Variants in CELF2 observed in about 807,000 individuals in gnomAD.
The protein encoded by CELF2 is CUG triplet repeat RNA-binding protein 2.
CELF2 carries 8 observed loss-of-function variants against 62.6 expected under a neutral mutation model. The observed-to-expected ratio is 0.13, with a 90% CI of 0.07 to 0.23. The LOEUF is 0.23. Among genes scored for constraint, CELF2 ranks in the 10% least tolerant of loss-of-function variants. The probability of loss-of-function intolerance (pLI) is 1.00; values close to 1 mark genes in which losing one functional copy is unlikely to be tolerated. For synonymous variants in CELF2, 258 were observed against 250.0 expected, an observed-to-expected ratio of 1.03 and a Z score of -0.30; for missense variants, 333 against 671.0, an observed-to-expected ratio of 0.50 and a Z score of 5.56.
At chr10:11,201,571 G>A (rs949274869) in intron 2 of CELF2, among the ~76,000 whole-genome samples, 23 of 152,184 alleles carry the variant, frequency 1.5e-4, no homozygotes, top group African/African-American at 5.3e-4. Flanking sequence ...CTTTAGTCAC[G>A]TGGCAAGGGG....
rs2096115825 is a variant in CELF2 at position 11,336,185 on chromosome 10, G to A, written c.*7132G>A. 1 of 152,678 alleles carries A rather than the reference G, an allele frequency of 6.5e-6. No homozygotes were observed. The highest frequency in any genetic ancestry group is 1.5e-5 in the Non-Finnish European group (1 of 68,044). The allele number at this position is 152,678 out of a possible 1,614,324, so 9.5% of individuals were successfully genotyped here. A position where few individuals can be genotyped will look rare whatever the true frequency, so the allele number is the denominator to read the frequency against. ...GCTAGGACACACAGTGAACATTAAT[G>A]TACTGTGAATCGTTCCTGATAAGTG... On this transcript the variant is annotated 3_prime_UTR_variant, in exon 13 of 13. Transcript: ENST00000633077. The surrounding 1 kb of genome is among the most constrained non-coding windows in gnomAD (Gnocchi z 5.4).
At chr10:10,726,747 A>T in the CELF2 span, among the ~76,000 whole-genome samples, 1 of 152,204 alleles carries the variant, frequency 6.6e-6, no homozygotes, top group Non-Finnish European at 1.5e-5. Flanking sequence ...TTAATCCTTT[A>T]GTATTAAGAA....
chr10:11,169,304 G>A (rs1407897006), intron 2 of CELF2: 1 of 152,246 alleles, frequency 6.6e-6, no homozygotes, highest in African/African-American at 2.4e-5. Flanking sequence ...AAGAGTAAAT[G>A]AGTAAGAAAG....
At chr10:10,555,728 G>GCA in the CELF2 span, among the ~76,000 whole-genome samples, 2 of 151,862 alleles carry the variant, frequency 1.3e-5, no homozygotes, top group South Asian at 4.2e-4. Flanking sequence ...TACAACACAT[G>GCA]CACACACACA....
chr10:11,298,207 G>A lies in CELF2; in HGVS notation c.976+9655G>A, dbSNP rs146648081. ...AGCCTCCAGCGTGTCCCTCTCCTGT[G>A]GCGAGGGGGATGCTGCCTTCTGAGG... is the stretch of plus-strand genomic sequence containing the variant. On this transcript the variant is annotated intron_variant, in intron 9 of 12. Coordinates refer to ENST00000633077, the MANE Select transcript of CELF2 (RefSeq NM_001326342.2). Among the ~76,000 whole-genome samples, 255 of 152,348 alleles carry A rather than the reference G, an allele frequency of 1.7e-3. 2 individuals are homozygous for A. Among genetic ancestry groups the A allele is most frequent in the African/African-American group, 5.8e-3 (242 of 41,578 alleles).
chr10:10,964,554 A>G (rs1432597239), intron 2 of CELF2, among the ~76,000 whole-genome samples: 1 of 152,244 alleles, frequency 6.6e-6, no homozygotes, highest in Non-Finnish European at 1.5e-5. Context: ...TCCACCTTTC[A>G]AAGGGATTTT....
At position 11,296,025 on chromosome 10, in the gene CELF2, G is replaced by A. The variant is rs4317891; in HGVS notation, c.976+7473G>A. The stretch of plus-strand genomic sequence containing the variant: ...TTAATAAAGCTGCGCAGCTTTGGGG[G>A]TAGAGATATTTACGGTTCACCACAG... On this transcript the variant is annotated intron_variant, in intron 9 of 12. Coordinates refer to ENST00000633077, the MANE Select transcript of CELF2 (RefSeq NM_001326342.2). The surrounding 1 kb of genome is among the most constrained non-coding windows in gnomAD (Gnocchi z 5.0). 0.15 allele frequency among the ~76,000 whole-genome samples: 23,206 copies of A among 152,046 alleles called. 1,882 individuals carry two copies. Among genetic ancestry groups the A allele is most frequent in the Middle Eastern group, 0.21 (62 of 294 alleles).
At chr10:10,725,867 G>A in the CELF2 span, among the ~76,000 whole-genome samples, 1 of 150,890 alleles carries the variant, frequency 6.6e-6, no homozygotes, top group South Asian at 2.1e-4. Context: ...CCGATAGCTG[G>A]TTTTAGTTTT....
chr10:10,687,517 A>G, the CELF2 span, among the ~76,000 whole-genome samples: 1 of 152,190 alleles, frequency 6.6e-6, no homozygotes, highest in Admixed American at 6.5e-5. Flanking sequence ...ATGTAAACTC[A>G]TGAATGGAGA....
the CELF2 span, among the ~76,000 whole-genome samples, chr10:10,489,855 C>T: frequency 1.3e-5 from 2 of 151,486 alleles, no homozygotes; most frequent in Admixed American, 6.6e-5. Context: ...AGAAAAATAA[C>T]TTTTCCATTC....
chr10:11,072,988 TAA>T (rs1426848710), intron 1 of CELF2, among the ~76,000 whole-genome samples: 3 of 152,036 alleles, frequency 2.0e-5, no homozygotes, highest in African/African-American at 4.8e-5. Context: ...TTATATATTA[TAA>T]GTTATTACAC....
At chr10:10,856,023 A>G (rs1308214896) in intron 1 of CELF2, among the ~76,000 whole-genome samples, 3 of 152,148 alleles carry the variant, frequency 2.0e-5, no homozygotes, top group Admixed American at 1.3e-4. Flanking sequence ...GAAAAGAACT[A>G]AATTTATTAT....
chr10:10,987,148 G>A (rs1052091490), intron 2 of CELF2, among the ~76,000 whole-genome samples: 2 of 152,160 alleles, frequency 1.3e-5, no homozygotes, highest in Admixed American at 6.5e-5. Flanking sequence ...TGAGATTGGT[G>A]AGACAGCAGA....
At position 10,846,576 on chromosome 10, in the gene CELF2, G is replaced by A. The variant is rs528113800; in HGVS notation, c.53+47759G>A. Among the ~76,000 whole-genome samples, 11 of 152,292 alleles carry A rather than the reference G, an allele frequency of 7.2e-5. No homozygotes were observed. In the East Asian group the frequency reaches 2.1e-3, roughly 29 times the overall value. On this transcript the variant is annotated intron_variant, in intron 1 of 13. Transcript: ENST00000636488. ...TATCACCAGGGATAAAGATTTAGAAGGGTTCCATAAATTGCAAGAGAAAGC... is the reference window on the plus strand; with the variant it reads ...TATCACCAGGGATAAAGATTTAGAAAGGTTCCATAAATTGCAAGAGAAAGC...
At chr10:11,292,850 G>A (rs559109591) in intron 9 of CELF2, among the ~76,000 whole-genome samples, 24 of 152,282 alleles carry the variant, frequency 1.6e-4, no homozygotes, top group African/African-American at 5.1e-4. Flanking sequence ...GCTCAGCTGC[G>A]TGCCTCATCA....
the CELF2 span, among the ~76,000 whole-genome samples, chr10:10,733,620 C>G: frequency 6.0e-5 from 9 of 149,658 alleles, no homozygotes; most frequent in African/African-American, 2.0e-4. Context: ...CTTGGGGGGG[C>G]CTCACAATCA....
intron 3 of CELF2, among the ~76,000 whole-genome samples, chr10:11,229,844 C>T (rs1294716603): frequency 1.3e-5 from 2 of 152,198 alleles, no homozygotes; most frequent in Non-Finnish European, 2.9e-5. Flanking sequence ...CCCACCTCAG[C>T]CTCTCAAAGA....
At chr10:11,076,771 A>G (rs183754557) in intron 1 of CELF2, among the ~76,000 whole-genome samples, 1 of 152,166 alleles carries the variant, frequency 6.6e-6, no homozygotes, top group African/African-American at 2.4e-5. Flanking sequence ...TAACTTCCTA[A>G]GCCTTAGGAA....
the CELF2 span, among the ~76,000 whole-genome samples, chr10:10,621,243 CAAAAAAA>C: frequency 4.4e-5 from 2 of 45,348 alleles, no homozygotes; most frequent in Non-Finnish European, 9.7e-5. Flanking sequence ...GACTCTGACT[CAAAAAAA>C]AAAAAAAAAA....
Sources: gnomAD v4.1 joint callset for allele counts (sites outside exome capture counted in the v4.1 genomes callset) on GRCh38, gnomAD v4.1.1 for gene constraint, Gnocchi (gnomAD v3.1) non-coding constraint, MANE v1.5 for transcripts, NCBI Gene and HGNC (gene_info 2026-07-23, HGNC 2026-07-21) for gene names.